The following TENM3 variants were observed in gnomAD, a reference collection of about 807,000 sequenced individuals.
TENM3 encodes teneurin transmembrane protein 3, also known as teneurin-3.
TENM3 carries 63 observed loss-of-function variants against 255.1 expected under a neutral mutation model. That is an observed-to-expected ratio of 0.25 (90% CI 0.20 to 0.30). The LOEUF (loss-of-function observed/expected upper bound fraction) is 0.30, where lower values mean the gene tolerates loss of function less well. Among genes scored for constraint, TENM3 ranks in the 10% least tolerant of loss-of-function variants. TENM3 has a pLI of 1.00. For synonymous variants in TENM3, 1,306 were observed against 1,322.3 expected (o/e 0.99, Z 0.27); for missense variants, 2,929 against 3,461.1 (o/e 0.85, Z 3.86).
At chr4:182,728,889 G>T in intron 13 of TENM3, 76 bp from the exon 14 acceptor site, 3 of 1,133,384 alleles carry the variant, frequency 2.6e-6, no homozygotes, top group Non-Finnish European at 2.5e-6. Context: ...AAAAAAAACA[G>T]TCAAGAAACA....
In TENM3 at chr4:182,197,657, A is replaced by G. The variant is rs1035377882; in HGVS notation, c.-76+52903A>G. On this transcript the variant is annotated intron_variant, in intron 1 of 2. Transcript: ENST00000512480. ...AGAGCAAAGTGTCTTTTGCATATAA[A>G]TGGTTTAAATAGTGACAATAACTTT... is the stretch of plus-strand genomic sequence containing the variant. 5.3e-5 allele frequency among the ~76,000 whole-genome samples: 8 copies of G among 152,230 alleles called. No homozygotes were observed. In the South Asian group the frequency reaches 1.7e-3, roughly 31 times the overall value.
chr4:181,818,962 G>A, the TENM3 span, among the ~76,000 whole-genome samples: 3 of 152,146 alleles, frequency 2.0e-5, no homozygotes, highest in South Asian at 2.1e-4. Context: ...CCTGACTAAT[G>A]TGTGAGTCTT....
At position 182,688,222 on chromosome 4, in the gene TENM3, T is replaced by C. The variant is rs1320399122; in HGVS notation, c.2092T>C (p.Cys698Arg). 1 of 1,613,862 alleles carries C rather than the reference T, an allele frequency of 6.2e-7. No individual in the cohort carries two copies. Among genetic ancestry groups the C allele is most frequent in the African/African-American group, 1.3e-5 (1 of 75,012 alleles). The change falls in exon 12 of 28, where the codon TGT becomes CGT. Residue 698 changes from cysteine (C) to arginine (R), a missense_variant. Cys to Arg is a radical substitution (Grantham distance 180, BLOSUM62 -3). Coordinates refer to ENST00000511685, the MANE Select transcript of TENM3 (RefSeq NM_001080477.4). ...CGTTTGCATGGGGGGGACGTGTCGC[T>C]GTGAAGAAGGCTGGACGGGCCCAGC... The part of the protein sequence containing the change: ...HGVCMGGTCR[C>R]EEGWTGPACN...
chr4:182,085,034 A>G, the TENM3 span: 2 of 152,152 alleles, frequency 1.3e-5, no homozygotes, highest in East Asian at 3.9e-4. Context: ...TCCTAAGACA[A>G]TTTTCCAAAA....
intron 24 of TENM3, among the ~76,000 whole-genome samples, chr4:182,776,907 G>T (rs574837552): frequency 6.6e-6 from 1 of 152,204 alleles, no homozygotes; most frequent in South Asian, 2.1e-4. Flanking sequence ...ATTTCCAGCT[G>T]ATATGTTTGA....
chr4:181,820,600 A>G, the TENM3 span, among the ~76,000 whole-genome samples: 1 of 152,144 alleles, frequency 6.6e-6, no homozygotes, highest in Admixed American at 6.6e-5. Flanking sequence ...GGCTCACAAA[A>G]GCATAGGTTA....
chr4:182,600,897 CTTTTTTTTT>C lies in TENM3; in HGVS notation c.512-12_512-4del, dbSNP rs548783934. 8.1e-5 allele frequency: 40 copies of C among 496,304 alleles called. No individual in the cohort carries two copies. Among genetic ancestry groups the C allele is most frequent in the Middle Eastern group, 1.1e-3 (2 of 1,780 alleles). 30.7% of individuals were successfully genotyped at this position (496,304 alleles called of 1,614,324 possible). A position where few individuals can be genotyped will look rare whatever the true frequency, so the allele number is the denominator to read the frequency against. On this transcript the variant is annotated intron_variant, in intron 3 of 27. Coordinates refer to ENST00000511685, the MANE Select transcript of TENM3 (RefSeq NM_001080477.4). ...TATATATATATAATGAGTTCTCTTT[CTTTTTTTTT>C]TTTTTTTTTTTTTTCAGAGCAACCT...
At chr4:182,084,112 A>G in the TENM3 span, among the ~76,000 whole-genome samples, 1 of 152,194 alleles carries the variant, frequency 6.6e-6, no homozygotes, top group Non-Finnish European at 1.5e-5. Context: ...TTGCCGTGAT[A>G]CTTGGTAACA....
chr4:182,523,181 GGTTT>G (rs1182753171), intron 3 of TENM3, among the ~76,000 whole-genome samples: 1 of 150,818 alleles, frequency 6.6e-6, no homozygotes, highest in East Asian at 1.9e-4. Flanking sequence ...GTGTGTGTGT[GGTTT>G]TGTTGTTGTT....
chr4:182,178,795 G>T (rs552908430), intron 1 of TENM3, among the ~76,000 whole-genome samples: 1 of 152,286 alleles, frequency 6.6e-6, no homozygotes, highest in East Asian at 1.9e-4. Flanking sequence ...GACAATGTAA[G>T]CATTCTAAAG....
intron 1 of TENM3, among the ~76,000 whole-genome samples, chr4:182,237,325 T>A (rs1466972781): frequency 6.6e-6 from 1 of 152,054 alleles, no homozygotes; most frequent in Non-Finnish European, 1.5e-5. Flanking sequence ...TATGCATGTA[T>A]CTTTATAACA....
chr4:182,724,356 G>T (rs1363822251), intron 13 of TENM3, among the ~76,000 whole-genome samples: 1 of 152,198 alleles, frequency 6.6e-6, no homozygotes, highest in African/African-American at 2.4e-5. Flanking sequence ...AACCTTAGCT[G>T]CCGTATAAAT....
At chr4:181,561,445 A>T in the TENM3 span, among the ~76,000 whole-genome samples, 1 of 152,236 alleles carries the variant, frequency 6.6e-6, no homozygotes, top group Non-Finnish European at 1.5e-5. Context: ...AAAATATGGC[A>T]GAAAATTTGA....
chr4:182,771,191 T>C (rs1046098998), intron 22 of TENM3, among the ~76,000 whole-genome samples: 11 of 152,170 alleles, frequency 7.2e-5, no homozygotes, highest in African/African-American at 2.7e-4. Flanking sequence ...AAGTCAGAGG[T>C]TGCAGAAATG....
In TENM3 at chr4:182,372,991, C is replaced by T. The variant is rs1403729273; in HGVS notation, c.511+26062C>T. Reference sequence around the variant, plus strand: ...CCGAACTCAAGCAAATTGCCTGCCTCGGCCTCCCAAAGTGCTGAGATTACA... The same window carrying T: ...CCGAACTCAAGCAAATTGCCTGCCTTGGCCTCCCAAAGTGCTGAGATTACA... On this transcript the variant is annotated intron_variant, in intron 3 of 27. Transcript: ENST00000511685. 5.3e-5 allele frequency among the ~76,000 whole-genome samples: 8 copies of T among 152,138 alleles called. No individual in the cohort carries two copies. The East Asian group carries it at 7.7e-4, about 15-fold the overall frequency.
At chr4:181,952,478 G>A in the TENM3 span, among the ~76,000 whole-genome samples, 1 of 152,206 alleles carries the variant, frequency 6.6e-6, no homozygotes, top group African/African-American at 2.4e-5. Context: ...ATGTTCTCAT[G>A]TTCCAGAGAG....
At chr4:181,713,103 A>G in the TENM3 span, among the ~76,000 whole-genome samples, 9 of 152,340 alleles carry the variant, frequency 5.9e-5, 1 homozygote, top group African/African-American at 2.2e-4. Context: ...ACTTGTCCTC[A>G]CATCTCATGG....
At chr4:182,087,741 G>C in the TENM3 span, among the ~76,000 whole-genome samples, 1 of 152,072 alleles carries the variant, frequency 6.6e-6, no homozygotes, top group Non-Finnish European at 1.5e-5. Flanking sequence ...CCCATACGTG[G>C]CCACAGGACG....
the TENM3 span, among the ~76,000 whole-genome samples, chr4:181,646,673 G>A: frequency 1.3e-5 from 2 of 152,152 alleles, no homozygotes; most frequent in African/African-American, 4.8e-5. Context: ...GCAGCGGCCA[G>A]TGCAGGACCA....
Sources: gnomAD v4.1 joint callset for allele counts (sites outside exome capture counted in the v4.1 genomes callset) on GRCh38, gnomAD v4.1.1 for gene constraint, MANE v1.5 for transcripts, NCBI Gene and HGNC (gene_info 2026-07-23, HGNC 2026-07-21) for gene names.